The following MACO1 variants were observed in gnomAD, a reference collection of about 807,000 sequenced individuals.
The protein encoded by MACO1 is macoilin 1.
In MACO1, 14 loss-of-function variants were observed where a neutral mutation model predicts 78.7. The observed-to-expected ratio is 0.18, with a 90% CI of 0.12 to 0.28. The LOEUF (loss-of-function observed/expected upper bound fraction) is 0.28, where lower values mean the gene tolerates loss of function less well. Among genes scored for constraint, MACO1 ranks in the 10% least tolerant of loss-of-function variants. The pLI, the probability that MACO1 is intolerant of heterozygous loss-of-function variation, is 1.00. For synonymous variants in MACO1, 288 were observed against 291.6 expected (o/e 0.99, Z 0.12); for missense variants, 501 against 799.0 (o/e 0.63, Z 4.50).
At position 25,494,951 on chromosome 1, in the gene MACO1, G is replaced by A. The variant is rs1041573796; in HGVS notation, c.1793-3313G>A. 2.0e-5 allele frequency among the ~76,000 whole-genome samples: 3 copies of A among 152,196 alleles called. No individual in the cohort carries two copies. The East Asian group carries it at 5.8e-4, about 29-fold the overall frequency. On this transcript the variant is annotated intron_variant, in intron 10 of 10. Transcript: ENST00000374343. ...AGAAGTTGTGAGAAGTTAGTGAAGC[G>A]CAGGAGTGGCTTGGGATGGCACAGG...
At chr1:25,467,636 A>T (rs1157891296) in intron 6 of MACO1, among the ~76,000 whole-genome samples, 1 of 152,038 alleles carries the variant, frequency 6.6e-6, no homozygotes, top group Non-Finnish European at 1.5e-5. Flanking sequence ...AAAGTAGTTG[A>T]ATTGTATCTG....
intron 6 of MACO1, among the ~76,000 whole-genome samples, chr1:25,471,562 T>C (rs1200548744): frequency 6.6e-6 from 1 of 152,156 alleles, no homozygotes; most frequent in East Asian, 1.9e-4. Flanking sequence ...TTTTCACTGG[T>C]TTGTCACAGT....
intron 1 of MACO1, 94 bp from the exon 2 acceptor site, chr1:25,446,667 TA>T: frequency 8.3e-7 from 1 of 1,207,484 alleles, no homozygotes; most frequent in Non-Finnish European, 1.1e-6. Flanking sequence ...TATATGGAGG[TA>T]TTTTTTTGTC....
chr1:25,496,139 G>A (rs956973886), intron 10 of MACO1, among the ~76,000 whole-genome samples: 1 of 151,548 alleles, frequency 6.6e-6, no homozygotes, highest in Non-Finnish European at 1.5e-5. Flanking sequence ...CATTTTTGTG[G>A]GCTTTTTTTT....
chr1:25,492,413 T>C (rs1055260690), intron 10 of MACO1, among the ~76,000 whole-genome samples: 3 of 151,690 alleles, frequency 2.0e-5, no homozygotes, highest in African/African-American at 4.9e-5. Context: ...CTTGAGTAGG[T>C]AGTATTTGAG....
chr1:25,453,312 T>C (rs1300586870), intron 3 of MACO1, among the ~76,000 whole-genome samples: 2 of 150,054 alleles, frequency 1.3e-5, no homozygotes, highest in South Asian at 2.2e-4. Flanking sequence ...GCCCAGTGAA[T>C]ATTTTTATGT....
At chr1:25,467,748 T>A (rs902932443) in intron 6 of MACO1, among the ~76,000 whole-genome samples, 2 of 150,950 alleles carry the variant, frequency 1.3e-5, no homozygotes, top group Non-Finnish European at 2.9e-5. Context: ...TTTTTTTTTT[T>A]TGCAAGTAGA....
chr1:25,483,505 T>C (rs1297637470), intron 6 of MACO1, among the ~76,000 whole-genome samples: 2 of 152,236 alleles, frequency 1.3e-5, no homozygotes, highest in South Asian at 2.1e-4. Flanking sequence ...CAGATGGAGT[T>C]CTCTTATGAT....
chr1:25,448,986 A>T, intron 3 of MACO1, 52 bp downstream of exon 3: 1 of 1,383,580 alleles, frequency 7.2e-7, no homozygotes, highest in South Asian at 2.1e-5. Flanking sequence ...TCAAATTTTT[A>T]AATGTGGTTA....
chr1:25,483,885 A>C (rs562318731), intron 6 of MACO1, among the ~76,000 whole-genome samples: 2 of 152,310 alleles, frequency 1.3e-5, no homozygotes, highest in African/African-American at 2.4e-5. Context: ...GTCACTATTC[A>C]TAAACAGGGG....
chr1:25,469,032 G>A (rs1208751089), intron 6 of MACO1, among the ~76,000 whole-genome samples: 2 of 151,812 alleles, frequency 1.3e-5, no homozygotes, highest in East Asian at 1.9e-4. Flanking sequence ...TAGTAGAGAC[G>A]GGGTTTCACC....
chr1:25,469,633 CTTTT>C (rs1222159978), intron 6 of MACO1, among the ~76,000 whole-genome samples: 1 of 127,448 alleles, frequency 7.8e-6, no homozygotes. Flanking sequence ...TAACCTCTGA[CTTTT>C]TTTTTTTTTT....
chr1:25,473,747 A>G (rs888761388), intron 6 of MACO1, among the ~76,000 whole-genome samples: 7 of 152,226 alleles, frequency 4.6e-5, no homozygotes, highest in African/African-American at 7.2e-5. Context: ...TATTCATGCT[A>G]TCATTTAGAA....
chr1:25,459,721 C>T (rs1051688591), intron 6 of MACO1, among the ~76,000 whole-genome samples: 1 of 152,132 alleles, frequency 6.6e-6, no homozygotes, highest in Non-Finnish European at 1.5e-5. Context: ...AGGTGATCCA[C>T]CTGCTTCGGC....
chr1:25,498,180 G>T, intron 10 of MACO1, 84 bp from the exon 11 acceptor site: 2 of 1,421,914 alleles, frequency 1.4e-6, no homozygotes, highest in Non-Finnish European at 9.8e-7. Flanking sequence ...ACACTGAACC[G>T]AATCTACTTA....
chr1:25,478,470 G>A (rs537584929), intron 6 of MACO1, among the ~76,000 whole-genome samples: 12 of 152,110 alleles, frequency 7.9e-5, no homozygotes, highest in Non-Finnish European at 1.2e-4. Flanking sequence ...TCTTAATTGG[G>A]TAGGATTAGG....
chr1:25,492,780 A>G (rs1437020765), intron 10 of MACO1, among the ~76,000 whole-genome samples: 1 of 152,212 alleles, frequency 6.6e-6, no homozygotes, highest in East Asian at 1.9e-4. Context: ...TAAATTGAGT[A>G]TAGTACTGAA....
chr1:25,441,972 A>T (rs757158214), intron 1 of MACO1, among the ~76,000 whole-genome samples: 3 of 152,214 alleles, frequency 2.0e-5, no homozygotes, highest in Non-Finnish European at 2.9e-5. Flanking sequence ...ACATCCTGTA[A>T]TTGAGTGGAA....
At chr1:25,440,419 A>G (rs992313367) in intron 1 of MACO1, among the ~76,000 whole-genome samples, 10 of 151,386 alleles carry the variant, frequency 6.6e-5, no homozygotes, top group East Asian at 1.9e-4. Flanking sequence ...AAAAAAAAAA[A>G]AAGAAGAAAG....
Sources: allele counts gnomAD v4.1 joint callset (sites outside exome capture counted in the v4.1 genomes callset), GRCh38; gene constraint gnomAD v4.1.1; transcripts MANE v1.5; gene names NCBI Gene and HGNC (gene_info 2026-07-23, HGNC 2026-07-21).